The following ADD1 variants were observed in gnomAD, a reference collection of about 807,000 sequenced individuals.
ADD1 encodes adducin 1.
A neutral mutation model predicts 80.5 loss-of-function variants in ADD1; 24 were observed. The observed-to-expected ratio is 0.30, with a 90% CI of 0.22 to 0.42. The LOEUF (loss-of-function observed/expected upper bound fraction) is 0.42. ADD1 is among the 10% of genes least tolerant of loss of function. The pLI, the probability that ADD1 is intolerant of heterozygous loss-of-function variation, is 1.00. For synonymous variants in ADD1, 373 were observed against 393.8 expected (o/e 0.95, Z 0.63); for missense variants, 948 against 1,019.0 (o/e 0.93, Z 0.95).
intron 1 of ADD1, among the ~76,000 whole-genome samples, chr4:2,864,409 C>T (rs568344482): frequency 3.3e-5 from 5 of 151,844 alleles, no homozygotes; most frequent in African/African-American, 9.7e-5. Context: ...AGCGAGACTC[C>T]GCCTCAAAAA....
intron 1 of ADD1, among the ~76,000 whole-genome samples, chr4:2,871,135 A>T (rs998592873): frequency 3.5e-4 from 52 of 150,670 alleles, no homozygotes; most frequent in Non-Finnish European, 7.1e-4. Context: ...CACCCGGCTA[A>T]TTTTTTTTTG....
At chr4:2,906,455 A>G (rs1016616457) in intron 10 of ADD1, among the ~76,000 whole-genome samples, 6 of 151,994 alleles carry the variant, frequency 3.9e-5, no homozygotes, top group Admixed American at 3.9e-4. Context: ...CTGAATTGCC[A>G]TGAGGAAGTT....
Position 2,876,049 on chromosome 4 carries a change from T to G in ADD1, c.134T>G (p.Leu45Arg). Residue 45 changes from leucine to arginine, a missense_variant, in exon 2 of 16, where the codon CTT becomes CGT. Coordinates refer to ENST00000683351, the MANE Select transcript of ADD1 (RefSeq NM_001354761.2). ...AGGGAGAGGAACATGGCACCAGACC[T>G]TCGCCAGGACTTCAACATGATGGAG... ...YLRERNMAPD[L>R]RQDFNMMEQK... 1 of 1,614,072 alleles carries G rather than the reference T, an allele frequency of 6.2e-7. No individual in the cohort carries two copies. The highest frequency in any genetic ancestry group is 2.2e-5 in the East Asian group (1 of 44,886).
chr4:2,900,458 A>G lies in ADD1; in HGVS notation c.1161+1023A>G, dbSNP rs540457731. The G allele has an allele frequency of 5.9e-5, 9 of 152,458 alleles. No individual in the cohort carries two copies. In the East Asian group the frequency reaches 1.7e-3, roughly 29 times the overall value. 9.4% of individuals were successfully genotyped at this position (152,458 alleles called of 1,614,324 possible). A position where few individuals can be genotyped will look rare whatever the true frequency, so the allele number is the denominator to read the frequency against. On this transcript the variant is annotated intron_variant, in intron 9 of 15. Transcript: ENST00000683351. The stretch of plus-strand genomic sequence containing the variant: ...TGTGAGGACATGTCAGTGTGGGGAA[A>G]GAAGGCCTCAGAGGGGCCAGTATCC...
chr4:2,913,908 G>A (rs1414129734), intron 13 of ADD1, among the ~76,000 whole-genome samples: 2 of 151,994 alleles, frequency 1.3e-5, no homozygotes, highest in East Asian at 3.9e-4. Context: ...GTGAGCTCCA[G>A]GGTAGCCGGG....
chr4:2,884,122 C>A (rs187842720), intron 3 of ADD1, among the ~76,000 whole-genome samples: 1 of 152,308 alleles, frequency 6.6e-6, no homozygotes, highest in Admixed American at 6.5e-5. Flanking sequence ...CTAATGTATA[C>A]GTTTAATGCT....
intron 6 of ADD1, 103 bp from the exon 7 acceptor site, chr4:2,898,081 A>G: frequency 7.1e-7 from 1 of 1,405,902 alleles, no homozygotes; most frequent in South Asian, 1.4e-5. Flanking sequence ...GGACAAAAAC[A>G]TTTCCCTTCC....
At position 2,898,279 on chromosome 4, in the gene ADD1, T is replaced by C. The variant is rs144809220; in HGVS notation, c.837T>C (p.Asp279=). The C allele has an allele frequency of 7.4e-4, 1,194 of 1,614,172 alleles. 5 individuals carry two copies. Among genetic ancestry groups the C allele is most frequent in the Middle Eastern group, 4.8e-3 (29 of 6,062 alleles). ...AYHDYHGILV[D]EEEKVLIQKN... is the part of the protein sequence containing the mutation. ...ATGACTACCATGGCATTCTGGTTGA[T>C]GAAGAGGAAAAAGTTTTGATTCAGA... Residue 279 remains aspartate (D), a synonymous_variant, in exon 7 of 16, where the codon GAT becomes GAC. Transcript: ENST00000683351.
intron 5 of ADD1, 151 bp downstream of exon 5, chr4:2,894,244 A>G: frequency 1.5e-6 from 1 of 688,984 alleles, no homozygotes; most frequent in Non-Finnish European, 2.5e-6. Context: ...CCTTTGAGAG[A>G]AGTTACAAAT....
At chr4:2,899,158 A>G (rs1178795304) in intron 8 of ADD1, 101 bp from the exon 9 acceptor site, 14 of 1,181,270 alleles carry the variant, frequency 1.2e-5, no homozygotes, top group South Asian at 4.6e-5. Context: ...CTTACACTCT[A>G]GAGATTTGGT....
chr4:2,898,486 G>A lies in ADD1; in HGVS notation c.939G>A (p.Glu313=), dbSNP rs1452088767. 1.2e-6 allele frequency: 2 copies of A among 1,614,202 alleles called. No individual in the cohort carries two copies. The highest frequency in any genetic ancestry group is 2.7e-5 in the African/African-American group (2 of 75,050). ...TGTCAGTTGGAGAGAGCGTTGAGGAGGCCTTCTATTACATCCATAACCTTG... is the reference window on the plus strand; with the variant it reads ...TGTCAGTTGGAGAGAGCGTTGAGGAAGCCTTCTATTACATCCATAACCTTG... ...GLVSVGESVE[E]AFYYIHNLVV... The change falls in exon 8 of 16, where the codon GAG becomes GAA. Residue 313 remains glutamate, a synonymous_variant. Transcript: ENST00000683351.
At chr4:2,860,817 C>T (rs530980484) in intron 1 of ADD1, among the ~76,000 whole-genome samples, 38 of 152,238 alleles carry the variant, frequency 2.5e-4, no homozygotes, top group Non-Finnish European at 4.7e-4. Context: ...GAAACTTCCA[C>T]CAGGGAAGTT....
chr4:2,927,059 G>C (rs1229573317), intron 15 of ADD1, among the ~76,000 whole-genome samples: 1 of 152,232 alleles, frequency 6.6e-6, no homozygotes. Context: ...AGATTGCCTT[G>C]GACCTTTGCT....
intron 13 of ADD1, 37 bp from the exon 14 acceptor site, chr4:2,914,847 C>T (rs756693697): frequency 1.9e-5 from 30 of 1,557,828 alleles, no homozygotes; most frequent in Middle Eastern, 2.0e-4. Context: ...CCCATCGGGC[C>T]GGGCTCCTGC....
In ADD1 at chr4:2,907,796, T is replaced by G. The variant is rs1238899748; in HGVS notation, c.1560T>G (p.Phe520Leu). Residue 520 changes from phenylalanine to leucine, a missense_variant, in exon 11 of 16, where the codon TTT becomes TTG. By Grantham distance (22) the Phe-to-Leu change is conservative (BLOSUM62 0). Coordinates refer to ENST00000683351, the MANE Select transcript of ADD1 (RefSeq NM_001354761.2). ...RTSTSAVPNLFVPLNTNPKEV... is the reference protein window; with the variant it reads ...RTSTSAVPNLLVPLNTNPKEV... ...CCACCTCTGCTGTCCCTAACCTGTT[T>G]GTTCCATTGAACACTAACCCAAAAG... 1.9e-6 allele frequency: 3 copies of G among 1,614,188 alleles called. No homozygotes were observed. The South Asian group carries it at 3.3e-5, about 18-fold the overall frequency.
intron 1 of ADD1, among the ~76,000 whole-genome samples, chr4:2,868,778 CATGGGAGAG>C (rs1370833645): frequency 6.6e-6 from 1 of 151,988 alleles, no homozygotes; most frequent in Non-Finnish European, 1.5e-5. Flanking sequence ...TGAAAGTGGC[CATGGGAGAG>C]GTGGGAATGG....
At chr4:2,895,576 T>C (rs1486731228) in intron 6 of ADD1, among the ~76,000 whole-genome samples, 2 of 151,966 alleles carry the variant, frequency 1.3e-5, no homozygotes, top group Non-Finnish European at 2.9e-5. Flanking sequence ...CCAGGCTGGA[T>C]TGTGACGGGG....
intron 9 of ADD1, among the ~76,000 whole-genome samples, chr4:2,903,942 T>A (rs1736613426): frequency 6.6e-6 from 1 of 152,200 alleles, no homozygotes; most frequent in Non-Finnish European, 1.5e-5. Context: ...TGAATTTGAA[T>A]GTTGTTGTAT....
chr4:2,910,617 G>A (rs1242023856), intron 13 of ADD1, among the ~76,000 whole-genome samples: 4 of 151,282 alleles, frequency 2.6e-5, no homozygotes, highest in African/African-American at 4.9e-5. Context: ...TAGAGCCCAC[G>A]TGAGGGCAGC....
Sources: allele counts gnomAD v4.1 joint callset (sites outside exome capture counted in the v4.1 genomes callset), GRCh38; gene constraint gnomAD v4.1.1; transcripts MANE v1.5; gene names NCBI Gene and HGNC (gene_info 2026-07-23, HGNC 2026-07-21).